The following RNF149 variants were observed in gnomAD, a reference collection of about 807,000 sequenced individuals.
RNF149 encodes the protein ring finger protein 149, also known as E3 ubiquitin-protein ligase RNF149.
A neutral mutation model predicts 39.0 loss-of-function variants in RNF149; 21 were observed. The ratio of observed to expected loss-of-function variants is 0.54; its 90% CI spans 0.38 to 0.77. RNF149 has a LOEUF of 0.77. Ranked by LOEUF, RNF149 falls within the 30% of genes least tolerant of loss-of-function variation. RNF149 has a pLI of 0.00. For missense variants in RNF149, 493 were observed against 534.9 expected, an observed-to-expected ratio of 0.92 and a Z score of 0.77; for synonymous variants, 209 against 213.6, an observed-to-expected ratio of 0.98 and a Z score of 0.19.
intron 3 of RNF149, among the ~76,000 whole-genome samples, chr2:101,289,707 C>CAAAAA (rs1248141764): frequency 1.5e-5 from 1 of 68,802 alleles, no homozygotes. Flanking sequence ...GACTCTGTCT[C>CAAAAA]AAAAAAAAAA....
rs1682782612 is a variant in RNF149 at position 101,286,099 on chromosome 2, G to GATGAC, written c.937_941dup (p.Ile314MetfsTer6). ...AACAAACCCAATATCCTAGGGCTTT[G>GATGAC]ATGACATCAAGTTTACACATTGGAC... On this transcript the variant is annotated frameshift_variant, in exon 5 of 7. Transcript: ENST00000295317. LOFTEE classifies it high-confidence loss of function. 6.2e-7 allele frequency: 1 copy of GATGAC among 1,607,676 alleles called. No individual in the cohort carries two copies. The highest frequency in any genetic ancestry group is 1.7e-5 in the Admixed American group (1 of 59,930).
intron 1 of RNF149, among the ~76,000 whole-genome samples, chr2:101,304,348 G>C (rs1683577353): frequency 6.6e-6 from 1 of 152,158 alleles, no homozygotes; most frequent in African/African-American, 2.4e-5. Context: ...AATGAGCCAA[G>C]ATCATGCCAC....
chr2:101,274,960 A>AT (rs1164010619), downstream of RNF149, among the ~76,000 whole-genome samples: 1,960 of 131,318 alleles, frequency 0.015, 42 homozygotes, highest in African/African-American at 0.049. Context: ...CTAATTTTGT[A>AT]TTTTTTTTTT....
intron 6 of RNF149, 46 bp from the exon 7 acceptor site, chr2:101,277,327 A>G (rs1682383021): frequency 6.4e-7 from 1 of 1,573,196 alleles, no homozygotes; most frequent in Non-Finnish European, 8.6e-7. Flanking sequence ...AGGGCAGCAT[A>G]TTCCGAGCTT....
Position 101,294,031 on chromosome 2 carries a change from C to T in RNF149, c.763G>A (p.Val255Ile). 1 of 1,587,676 alleles carries T rather than the reference C, an allele frequency of 6.3e-7. No homozygotes were observed. Among genetic ancestry groups the T allele is most frequent in the Non-Finnish European group, 8.6e-7 (1 of 1,157,318 alleles). ...KVIGQLLLHT[V>I]KHGEKGIDVD... ...AATATTACCTTTTCTCCATGCTTTA[C>T]AGTATGAAGTAGAAGCTGGCCAATA... The change falls in exon 3 of 7, where the codon GTA (valine) becomes ATA (isoleucine). Residue 255 changes from valine (V) to isoleucine (I), a missense_variant. Coordinates refer to ENST00000295317, the MANE Select transcript of RNF149 (RefSeq NM_173647.4).
At chr2:101,301,053 C>T (rs1683432720) in intron 1 of RNF149, among the ~76,000 whole-genome samples, 1 of 152,280 alleles carries the variant, frequency 6.6e-6, no homozygotes, top group Middle Eastern at 3.4e-3. Context: ...GATTTCGTCA[C>T]AGAAACTCAA....
chr2:101,275,788 G>C lies in RNF149; in HGVS notation c.*1450C>G, dbSNP rs1245083576. 10 of 980,306 alleles carry C rather than the reference G, an allele frequency of 1.0e-5. No homozygotes were observed. Among genetic ancestry groups the C allele is most frequent in the Admixed American group, 6.2e-5 (1 of 16,240 alleles). The allele number at this position is 980,306 out of a possible 1,614,324, so 60.7% of individuals were successfully genotyped here. ...AAGAGCAAACAATCTACTTGCTACA[G>C]AATCAGGATGTATTTTCCTATTTAT... On this transcript the variant is annotated 3_prime_UTR_variant, in exon 7 of 7. Transcript: ENST00000295317.
chr2:101,282,131 C>T (rs923276290), intron 5 of RNF149, 74 bp from the exon 6 acceptor site: 138 of 1,572,010 alleles, frequency 8.8e-5, no homozygotes, highest in Middle Eastern at 1.8e-4. Flanking sequence ...TCATCTGGCT[C>T]GTAATTCACA....
At chr2:101,273,290 C>T (rs1654394909), downstream of RNF149, 2 of 487,700 alleles carry the variant, frequency 4.1e-6, no homozygotes, top group Non-Finnish European at 8.2e-6. Context: ...CCATGCCACC[C>T]GCGGTTTCCA....
chr2:101,308,213 C>A lies in RNF149; in HGVS notation c.376G>T (p.Val126Leu). ...GGCTFKDKVL[V>L]AARRNASAVV... ...GCCGAGGCGTTCCTCCGCGCCGCCA[C>A]CAGCACCTTGTCCTTGAAGGTGCAG... The change falls in exon 1 of 7, where the codon GTG becomes TTG. Residue 126 changes from valine (V) to leucine (L), a missense_variant. Val to Leu is a conservative substitution (Grantham distance 32). Transcript: ENST00000295317. 1 of 1,608,276 alleles carries A rather than the reference C, an allele frequency of 6.2e-7. No individual in the cohort carries two copies. The highest frequency in any genetic ancestry group is 8.5e-7 in the Non-Finnish European group (1 of 1,178,492).
chr2:101,277,380 T>G (rs1038661623), intron 6 of RNF149, 99 bp from the exon 7 acceptor site: 33 of 1,448,416 alleles, frequency 2.3e-5, no homozygotes, highest in Non-Finnish European at 3.0e-5. Context: ...TAATTCAAGA[T>G]GGTAAACAGA....
At chr2:101,281,615 C>T (rs1682589034) in intron 6 of RNF149, 1 of 499,472 alleles carries the variant, frequency 2.0e-6, no homozygotes. Flanking sequence ...ACTCTCCTGC[C>T]TCAGCATTCT....
At chr2:101,297,270 A>G (rs1022316927) in intron 1 of RNF149, among the ~76,000 whole-genome samples, 4 of 150,992 alleles carry the variant, frequency 2.6e-5, no homozygotes, top group African/African-American at 7.4e-5. Flanking sequence ...CATAACAAAG[A>G]CAAAAAACTA....
chr2:101,302,967 G>A (rs1683511294), intron 1 of RNF149, among the ~76,000 whole-genome samples: 1 of 134,738 alleles, frequency 7.4e-6, no homozygotes, highest in African/African-American at 2.9e-5. Context: ...GCAACAGACT[G>A]AGACACTTGT....
At chr2:101,301,640 G>A (rs1025239570) in intron 1 of RNF149, among the ~76,000 whole-genome samples, 2 of 152,086 alleles carry the variant, frequency 1.3e-5, no homozygotes, top group East Asian at 3.9e-4. Context: ...CAAATTACCC[G>A]TAACATAATT....
intron 1 of RNF149, among the ~76,000 whole-genome samples, chr2:101,302,468 T>A (rs781768157): frequency 2.0e-5 from 3 of 152,210 alleles, no homozygotes; most frequent in Non-Finnish European, 4.4e-5. Context: ...AGTGCAATAT[T>A]ATGTTTTGGA....
At chr2:101,272,856 C>CTATTAT (rs1682179959), downstream of RNF149, 1 of 952,524 alleles carries the variant, frequency 1.0e-6, no homozygotes. Context: ...TCCTGAAGGT[C>CTATTAT]TATTATTATT....
chr2:101,275,799 T>C lies in RNF149; in HGVS notation c.*1439A>G, dbSNP rs1173454096. 1 of 976,590 alleles carries C rather than the reference T, an allele frequency of 1.0e-6. No homozygotes were observed. Among genetic ancestry groups the C allele is most frequent in the Admixed American group, 6.2e-5 (1 of 16,252 alleles). The allele number at this position is 976,590 out of a possible 1,614,324, so 60.5% of individuals were successfully genotyped here. ...ATCTACTTGCTACAGAATCAGGATGTATTTTCCTATTTATAATAAACTACA... is the reference window on the plus strand; with the variant it reads ...ATCTACTTGCTACAGAATCAGGATGCATTTTCCTATTTATAATAAACTACA... On this transcript the variant is annotated 3_prime_UTR_variant, in exon 7 of 7. Coordinates refer to ENST00000295317, the MANE Select transcript of RNF149 (RefSeq NM_173647.4).
At chr2:101,288,284 T>C (rs1245626368) in intron 4 of RNF149, among the ~76,000 whole-genome samples, 1 of 134,900 alleles carries the variant, frequency 7.4e-6, no homozygotes, top group Admixed American at 8.4e-5. Context: ...TCACCTAGGC[T>C]GGAGTGCAGG....
Sources: gnomAD v4.1 joint callset for allele counts (sites outside exome capture counted in the v4.1 genomes callset) on GRCh38, gnomAD v4.1.1 for gene constraint, MANE v1.5 for transcripts, NCBI Gene and HGNC (gene_info 2026-07-23, HGNC 2026-07-21) for gene names.